The following ALK variants were observed in gnomAD, a reference collection of about 807,000 sequenced individuals.
ALK encodes ALK tyrosine kinase receptor.
In ALK, 74 loss-of-function variants were observed where a neutral mutation model predicts 163.1. The ratio of observed to expected loss-of-function variants is 0.45; its 90% CI spans 0.38 to 0.55. ALK has a LOEUF of 0.55. Ranked by LOEUF, ALK falls within the 20% of genes least tolerant of loss-of-function variation. ALK has a pLI of 0.00. For synonymous variants in ALK, 960 were observed against 843.2 expected, an observed-to-expected ratio of 1.14 and a Z score of -2.40; for missense variants, 2,063 against 2,105.3, an observed-to-expected ratio of 0.98 and a Z score of 0.39.
chr2:29,707,417 C>T (rs7583230), intron 2 of ALK, among the ~76,000 whole-genome samples: 14,910 of 152,114 alleles, frequency 0.098, 1,553 homozygotes, highest in African/African-American at 0.27. Flanking sequence ...CCATACCTAA[C>T]TCTAAGAGGC....
chr2:29,314,076 T>G (rs139792089), intron 8 of ALK, among the ~76,000 whole-genome samples: 1 of 152,194 alleles, frequency 6.6e-6, no homozygotes, highest in Non-Finnish European at 1.5e-5. Context: ...TGCGTCACAC[T>G]GAGAGGCTGG....
intron 8 of ALK, among the ~76,000 whole-genome samples, chr2:29,313,803 G>GGCT (rs979196227): frequency 2.6e-5 from 4 of 152,076 alleles, no homozygotes; most frequent in African/African-American, 9.7e-5. Flanking sequence ...GTTTGGTGGG[G>GGCT]GCTGATAAAG....
intron 3 of ALK, among the ~76,000 whole-genome samples, chr2:29,564,568 G>A (rs1431926164): frequency 2.0e-5 from 3 of 152,046 alleles, no homozygotes; most frequent in Non-Finnish European, 2.9e-5. Context: ...CCTCACACTG[G>A]ACTGGTCAAC....
rs147806711 is a variant in ALK, at chr2:29,218,365, G to A, written c.3645+2341C>T. Among the ~76,000 whole-genome samples, 891 of 152,312 alleles carry A rather than the reference G, an allele frequency of 5.8e-3. 7 individuals are homozygous for A. Among genetic ancestry groups the A allele is most frequent in the Non-Finnish European group, 5.9e-3 (403 of 68,026 alleles). On this transcript the variant is annotated intron_variant, in intron 23 of 28. Coordinates refer to ENST00000389048, the MANE Select transcript of ALK (RefSeq NM_004304.5). ...CCTCCCCGTTCTGGGGGTCCCTCAG[G>A]TAGTGCCTGCTGTTAGAGGGTAGAA...
Position 29,796,502 on chromosome 2 carries a change from C to T in ALK, c.668-78805G>A, listed in dbSNP as rs560757650. Among the ~76,000 whole-genome samples, 3 of 152,250 alleles carry T rather than the reference C, an allele frequency of 2.0e-5. 1 individual carries two copies. The highest frequency in any genetic ancestry group is 4.1e-4 in the South Asian group (2 of 4,822). ...TAATAAGAATGAATTGATTTTGTAC[C>T]TGTTCTCTAGTTTCATTATGATCAC... On this transcript the variant is annotated intron_variant, in intron 1 of 28. Coordinates refer to ENST00000389048, the MANE Select transcript of ALK (RefSeq NM_004304.5).
At chr2:29,343,121 C>T (rs1465131241) in intron 5 of ALK, among the ~76,000 whole-genome samples, 2 of 151,328 alleles carry the variant, frequency 1.3e-5, no homozygotes, top group Non-Finnish European at 3.0e-5. Flanking sequence ...CTCCTGACCT[C>T]GTGATCCACC....
At chr2:29,559,051 T>C (rs1558383799) in intron 3 of ALK, among the ~76,000 whole-genome samples, 1 of 152,154 alleles carries the variant, frequency 6.6e-6, no homozygotes, top group East Asian at 1.9e-4. Context: ...GTACCTAACA[T>C]ACCTTGAAGG....
intron 12 of ALK, among the ~76,000 whole-genome samples, chr2:29,247,170 C>A (rs562959893): frequency 2.0e-5 from 3 of 150,064 alleles, no homozygotes; most frequent in Non-Finnish European, 3.0e-5. Context: ...CAGCGCCTTT[C>A]CCCCGGCCTC....
intron 3 of ALK, among the ~76,000 whole-genome samples, chr2:29,661,497 G>C (rs977149105): frequency 6.6e-6 from 1 of 152,174 alleles, no homozygotes; most frequent in South Asian, 2.1e-4. Context: ...GAGAGGACAC[G>C]TAAGTGTGCA....
chr2:29,359,959 C>T (rs972245948), intron 5 of ALK, among the ~76,000 whole-genome samples: 1 of 152,226 alleles, frequency 6.6e-6, no homozygotes, highest in Non-Finnish European at 1.5e-5. Context: ...CAGACCATGA[C>T]GTTTCCACAG....
At chr2:29,215,290 C>T (rs1199395135) in intron 23 of ALK, among the ~76,000 whole-genome samples, 2 of 152,286 alleles carry the variant, frequency 1.3e-5, no homozygotes, top group African/African-American at 4.8e-5. Context: ...GCAGGCTTAG[C>T]CTGCTGGAGG....
intron 9 of ALK, among the ~76,000 whole-genome samples, chr2:29,277,125 G>A (rs116703972): frequency 0.014 from 2,120 of 152,268 alleles, 51 homozygotes; most frequent in African/African-American, 0.048. Context: ...GAGAGAACAG[G>A]GCCTGCAGGG....
At position 29,232,568 on chromosome 2, in the gene ALK, C is replaced by T. The variant is rs910696747; in HGVS notation, c.2488-120G>A. On this transcript the variant is annotated intron_variant, in intron 14 of 28. Coordinates refer to ENST00000389048, the MANE Select transcript of ALK (RefSeq NM_004304.5). ...CTGTTTTGGGGTGACCTGGTGACCT[C>T]TCAGTGGTCTGAGGTGGTTTGCGGG... The T allele has an allele frequency of 3.6e-6, 5 of 1,373,240 alleles. No individual in the cohort carries two copies. The African/African-American group carries it at 7.1e-5, about 20-fold the overall frequency. The allele number at this position is 1,373,240 out of a possible 1,614,324, so 85.1% of individuals were successfully genotyped here. A position where few individuals can be genotyped will look rare whatever the true frequency, so the allele number is the denominator to read the frequency against.
intron 3 of ALK, among the ~76,000 whole-genome samples, chr2:29,594,895 G>T (rs920428653): frequency 2.8e-5 from 2 of 71,406 alleles, no homozygotes; most frequent in African/African-American, 1.2e-4. Flanking sequence ...AAACAAAAAT[G>T]GGGGGTGGGG....
chr2:29,274,038 C>T (rs925190120), intron 11 of ALK, among the ~76,000 whole-genome samples: 11 of 152,078 alleles, frequency 7.2e-5, no homozygotes, highest in Admixed American at 2.6e-4. Flanking sequence ...AGGGATGATG[C>T]GAAAAGTAAC....
intron 3 of ALK, among the ~76,000 whole-genome samples, chr2:29,602,663 GT>G (rs1480524458): frequency 6.6e-6 from 1 of 152,136 alleles, no homozygotes; most frequent in Admixed American, 6.5e-5. Context: ...CTCAGGGGAG[GT>G]ACAACAATGA....
In ALK at chr2:29,711,396, C is replaced by T. The variant is rs1342668113; in HGVS notation, c.787+6182G>A. On this transcript the variant is annotated intron_variant, in intron 2 of 28. Coordinates refer to ENST00000389048, the MANE Select transcript of ALK (RefSeq NM_004304.5). ...TCTTGAGTCCTCTACAGACCTGGTC[C>T]TCCCTCCTCTGTGTTCCTGGGCCTC... Among the ~76,000 whole-genome samples the T allele has an allele frequency of 2.6e-5, 4 of 152,320 alleles. No individual in the cohort carries two copies. In the East Asian group the frequency reaches 7.7e-4, roughly 29 times the overall value.
At chr2:29,907,560 G>A (rs1279026648) in intron 1 of ALK, among the ~76,000 whole-genome samples, 1 of 152,096 alleles carries the variant, frequency 6.6e-6, no homozygotes. Flanking sequence ...ATCCACAGAG[G>A]CCTCTGTTCC....
chr2:29,283,747 G>A (rs1368234798), intron 9 of ALK, among the ~76,000 whole-genome samples: 1 of 152,054 alleles, frequency 6.6e-6, no homozygotes, highest in African/African-American at 2.4e-5. Flanking sequence ...CCCAACAATG[G>A]AACCCTTTGT....
Sources: allele counts gnomAD v4.1 joint callset (sites outside exome capture counted in the v4.1 genomes callset), GRCh38; gene constraint gnomAD v4.1.1; transcripts MANE v1.5; gene names NCBI Gene and HGNC (gene_info 2026-07-23, HGNC 2026-07-21).